LMNB1: variants seen among roughly 807,000 people sequenced by gnomAD.
LMNB1 encodes the protein lamin-B1.
Under a neutral mutation model 67.1 loss-of-function variants are expected in LMNB1, and 23 were observed. The observed-to-expected ratio is 0.34, with a 90% CI of 0.25 to 0.49. The LOEUF is 0.49. LMNB1 is among the 20% of genes least tolerant of loss of function. LMNB1 has a pLI of 0.99. For missense variants in LMNB1, 634 were observed against 746.5 expected (o/e 0.85, Z 1.76); for synonymous variants, 281 against 282.9 (o/e 0.99, Z 0.07).
rs1751381527 is a variant in LMNB1 at position 126,804,940 on chromosome 5, C to T, written c.516+8C>T. On this transcript the variant is annotated splice_region_variant and intron_variant, in intron 2 of 10. Transcript: ENST00000261366. ...AAGGATCAGATTGCCCAGGTAAGGT[C>T]AAGCCTACTCTTGAGCCGTATGTGA... 1 of 1,612,956 alleles carries T rather than the reference C, an allele frequency of 6.2e-7. No individual in the cohort carries two copies.
chr5:126,792,515 C>T (rs1750987499), intron 1 of LMNB1, among the ~76,000 whole-genome samples: 1 of 148,462 alleles, frequency 6.7e-6, no homozygotes, highest in South Asian at 2.1e-4. Flanking sequence ...ATTTCTTTTT[C>T]TGTTTAGGTC....
intron 7 of LMNB1, among the ~76,000 whole-genome samples, chr5:126,822,245 C>G (rs1294910958): frequency 6.6e-6 from 1 of 152,210 alleles, no homozygotes; most frequent in Non-Finnish European, 1.5e-5. Context: ...CCGCCTTGGC[C>G]TCCTAAAGTG....
chr5:126,785,480 C>CTTTTTTTTTTTTT (rs111537827), intron 1 of LMNB1, among the ~76,000 whole-genome samples: 3 of 137,414 alleles, frequency 2.2e-5, no homozygotes, highest in Non-Finnish European at 4.7e-5. Context: ...TTTTCTTTTT[C>CTTTTTTTTTTTTT]TTTTTTTTTT....
chr5:126,785,686 C>G (rs1397866534), intron 1 of LMNB1, among the ~76,000 whole-genome samples: 2 of 151,820 alleles, frequency 1.3e-5, no homozygotes, highest in Non-Finnish European at 2.9e-5. Context: ...ACACAAACAC[C>G]AAGAAGAAAA....
chr5:126,818,868 G>T, intron 5 of LMNB1, 54 bp from the exon 6 acceptor site: 1 of 1,219,152 alleles, frequency 8.2e-7, no homozygotes, highest in South Asian at 1.2e-5. Flanking sequence ...ATAGCTGCCT[G>T]GTGCTAATGT....
intron 8 of LMNB1, among the ~76,000 whole-genome samples, chr5:126,823,109 G>C (rs1179637304): frequency 6.6e-6 from 1 of 152,144 alleles, no homozygotes; most frequent in Non-Finnish European, 1.5e-5. Context: ...TATTCCAGTA[G>C]ATATAAAAGC....
intron 1 of LMNB1, among the ~76,000 whole-genome samples, chr5:126,803,310 A>G (rs1323049154): frequency 2.0e-5 from 3 of 149,198 alleles, no homozygotes; most frequent in African/African-American, 7.4e-5. Context: ...CAATGGCACA[A>G]TCTCGGCTCA....
intron 1 of LMNB1, among the ~76,000 whole-genome samples, chr5:126,803,388 G>A (rs1263235919): frequency 6.6e-6 from 1 of 151,140 alleles, no homozygotes; most frequent in Admixed American, 6.6e-5. Flanking sequence ...TGGGATTACA[G>A]GCATGCGCCT....
chr5:126,806,143 C>T (rs1466722466), intron 3 of LMNB1, among the ~76,000 whole-genome samples: 1 of 151,984 alleles, frequency 6.6e-6, no homozygotes, highest in Non-Finnish European at 1.5e-5. Flanking sequence ...TTAGTAGAGA[C>T]GGGATTTCAC....
At position 126,836,296 on chromosome 5, in the gene LMNB1, G is replaced by C. The variant is rs1049677529; in HGVS notation, c.*32G>C. The C allele has an allele frequency of 1.9e-5, 28 of 1,491,054 alleles. No individual in the cohort carries two copies. Among genetic ancestry groups the C allele is most frequent in the Non-Finnish European group, 2.5e-5 (27 of 1,068,292 alleles). 92.4% of individuals were successfully genotyped at this position (1,491,054 alleles called of 1,614,324 possible). A position where few individuals can be genotyped will look rare whatever the true frequency, so the allele number is the denominator to read the frequency against. ...CAACTGTCTTCCTCAAAATAAAGAA[G>C]TATGGTAATCTTTACCTGTATACAG... On this transcript the variant is annotated 3_prime_UTR_variant, in exon 11 of 11. Coordinates refer to ENST00000261366, the MANE Select transcript of LMNB1 (RefSeq NM_005573.4).
intron 1 of LMNB1, among the ~76,000 whole-genome samples, chr5:126,786,410 C>T (rs985552422): frequency 7.2e-5 from 11 of 152,074 alleles, no homozygotes; most frequent in Admixed American, 2.0e-4. Context: ...CGTGAGCCAC[C>T]GTTCCCGGCC....
chr5:126,800,054 AT>A (rs1751227482), intron 1 of LMNB1, among the ~76,000 whole-genome samples: 1 of 152,110 alleles, frequency 6.6e-6, no homozygotes, highest in African/African-American at 2.4e-5. Flanking sequence ...CTGAGTACTT[AT>A]CTTTTCATGA....
intron 1 of LMNB1, among the ~76,000 whole-genome samples, chr5:126,797,942 C>T (rs760329157): frequency 1.2e-4 from 19 of 152,018 alleles, no homozygotes; most frequent in Non-Finnish European, 1.9e-4. Flanking sequence ...AGAAATTAGC[C>T]GGGCGTAGTG....
In LMNB1 at chr5:126,820,911, T is replaced by C. The variant is rs747413903; in HGVS notation, c.1162T>C (p.Leu388=). 1 of 1,611,516 alleles carries C rather than the reference T, an allele frequency of 6.2e-7. No individual in the cohort carries two copies. The highest frequency in any genetic ancestry group is 2.2e-5 in the East Asian group (1 of 44,860). Residue 388 remains leucine (L), a splice_region_variant and synonymous_variant, in exon 7 of 11, where the codon TTG becomes CTG. Coordinates refer to ENST00000261366, the MANE Select transcript of LMNB1 (RefSeq NM_005573.4). ...RKLLEGEEER[L]KLSPSPSSRV... Reference sequence around the variant, plus strand: ...AATTGTTTTATTTTTCCCATATAGGTTGAAGCTGTCTCCAAGCCCTTCTTC... The same window carrying C: ...AATTGTTTTATTTTTCCCATATAGGCTGAAGCTGTCTCCAAGCCCTTCTTC...
At chr5:126,784,014 A>ATTTTTTTTTTT in intron 1 of LMNB1, among the ~76,000 whole-genome samples, 1 of 59,436 alleles carries the variant, frequency 1.7e-5, no homozygotes, top group Non-Finnish European at 2.9e-5. Context: ...CTGTCATTTG[A>ATTTTTTTTTTT]TTTTTTTTTT....
At chr5:126,777,934 CA>C in intron 1 of LMNB1, 67 bp downstream of exon 1, 1 of 1,362,050 alleles carries the variant, frequency 7.3e-7, no homozygotes, top group South Asian at 1.6e-5. Context: ...GCGACCAGCT[CA>C]CCGGGTTCTG....
At chr5:126,823,500 A>G (rs562075223) in intron 8 of LMNB1, among the ~76,000 whole-genome samples, 3 of 152,298 alleles carry the variant, frequency 2.0e-5, no homozygotes, top group African/African-American at 7.2e-5. Flanking sequence ...GTAATCAAAG[A>G]TTCTTTTGCT....
intron 2 of LMNB1, among the ~76,000 whole-genome samples, chr5:126,805,244 G>A (rs998179689): frequency 3.9e-5 from 6 of 152,110 alleles, no homozygotes; most frequent in Admixed American, 1.3e-4. Flanking sequence ...GAAAAGAGAT[G>A]CCAAAATGCT....
At position 126,818,559 on chromosome 5, in the gene LMNB1, A is replaced by C. The variant is rs956379061; in HGVS notation, c.940-363A>C. 3.9e-5 allele frequency among the ~76,000 whole-genome samples: 6 copies of C among 152,106 alleles called. 1 individual carries two copies. The highest frequency in any genetic ancestry group is 7.4e-5 in the Non-Finnish European group (5 of 67,996). On this transcript the variant is annotated intron_variant, in intron 5 of 10. Transcript: ENST00000261366. Reference sequence around the variant, plus strand: ...ACCCACCCAGTGTTCTTATCTTTTTAAGTTCTTTATTTAATTTATACTTTT... The same window carrying C: ...ACCCACCCAGTGTTCTTATCTTTTTCAGTTCTTTATTTAATTTATACTTTT...
Sources: allele counts gnomAD v4.1 joint callset (sites outside exome capture counted in the v4.1 genomes callset), GRCh38; gene constraint gnomAD v4.1.1; transcripts MANE v1.5; gene names NCBI Gene and HGNC (gene_info 2026-07-23, HGNC 2026-07-21).